Variants in LRRC4C observed in about 807,000 individuals in gnomAD.
LRRC4C encodes the protein leucine-rich repeat-containing protein 4C.
A neutral mutation model predicts 33.6 loss-of-function variants in LRRC4C; 5 were observed. That is an observed-to-expected ratio of 0.15 (90% CI 0.08 to 0.31). LRRC4C has a LOEUF of 0.31. Among genes scored for constraint, LRRC4C ranks in the 10% least tolerant of loss-of-function variants. The pLI is 1.00. For synonymous variants in LRRC4C, 329 were observed against 302.0 expected, an observed-to-expected ratio of 1.09 and a Z score of -0.93; for missense variants, 560 against 796.7, an observed-to-expected ratio of 0.70 and a Z score of 3.58.
chr11:41,448,641 C>T (rs1218142680), intron 1 of LRRC4C, among the ~76,000 whole-genome samples: 1 of 152,142 alleles, frequency 6.6e-6, no homozygotes, highest in Non-Finnish European at 1.5e-5. Flanking sequence ...TATTCTTATA[C>T]ATGCAAACAC....
chr11:41,413,933 C>G (rs1954584523), intron 1 of LRRC4C, among the ~76,000 whole-genome samples: 1 of 152,122 alleles, frequency 6.6e-6, no homozygotes, highest in Admixed American at 6.5e-5. Context: ...AACTTGGAGC[C>G]TCCTAGCAAT....
At chr11:41,220,054 A>G (rs1947235120) in intron 1 of LRRC4C, among the ~76,000 whole-genome samples, 1 of 152,192 alleles carries the variant, frequency 6.6e-6, no homozygotes. Context: ...ACTCTCTAAG[A>G]TCACTAAATA....
At chr11:40,665,037 T>C (rs992449610) in intron 2 of LRRC4C, among the ~76,000 whole-genome samples, 1 of 151,400 alleles carries the variant, frequency 6.6e-6, no homozygotes, top group African/African-American at 2.4e-5. Context: ...TGGTTTTTTG[T>C]CCTTGCGGTA....
In LRRC4C at chr11:40,943,102, G is replaced by A. The variant is rs569169554; in HGVS notation, c.-495-9379C>T. Among the ~76,000 whole-genome samples, 5 of 152,246 alleles carry A rather than the reference G, an allele frequency of 3.3e-5. No individual in the cohort carries two copies. In the South Asian group the frequency reaches 1.0e-3, roughly 32 times the overall value. The stretch of plus-strand genomic sequence containing the variant: ...AGTTTTCTTAAATGCAGGTAATAAT[G>A]AAATCACATTTATCTCATGGAGTTG... On this transcript the variant is annotated intron_variant, in intron 1 of 6. Transcript: ENST00000528697.
chr11:40,710,732 G>A (rs988961181), intron 2 of LRRC4C, among the ~76,000 whole-genome samples: 2 of 152,176 alleles, frequency 1.3e-5, no homozygotes, highest in Non-Finnish European at 2.9e-5. Flanking sequence ...TCTCTTCAGA[G>A]CTGTCAGACA....
At chr11:40,976,071 T>C (rs1852064203) in intron 1 of LRRC4C, among the ~76,000 whole-genome samples, 1 of 152,214 alleles carries the variant, frequency 6.6e-6, no homozygotes, top group Non-Finnish European at 1.5e-5. Flanking sequence ...ACAGTCATCC[T>C]GCCAATTAGG....
intron 1 of LRRC4C, among the ~76,000 whole-genome samples, chr11:41,226,195 C>G (rs979635025): frequency 6.6e-6 from 1 of 152,076 alleles, no homozygotes; most frequent in East Asian, 1.9e-4. Flanking sequence ...ATGTCACTCC[C>G]CTCTATGGAC....
chr11:40,161,720 G>A (rs886831439), intron 5 of LRRC4C, among the ~76,000 whole-genome samples: 8 of 152,072 alleles, frequency 5.3e-5, no homozygotes, highest in African/African-American at 1.9e-4. Flanking sequence ...TCGCGCCACT[G>A]CACTTCAGCC....
At chr11:41,111,162 T>G (rs1941808103) in intron 1 of LRRC4C, among the ~76,000 whole-genome samples, 1 of 152,102 alleles carries the variant, frequency 6.6e-6, no homozygotes, top group African/African-American at 2.4e-5. Context: ...GGTTGAGAAT[T>G]TATGCCTTAT....
chr11:40,309,130 T>C (rs1945180159), intron 4 of LRRC4C, among the ~76,000 whole-genome samples: 1 of 152,202 alleles, frequency 6.6e-6, no homozygotes, highest in African/African-American at 2.4e-5. Flanking sequence ...TTTTAGAATA[T>C]TTTATCATCT....
chr11:41,412,418 G>A (rs756449892), intron 1 of LRRC4C, among the ~76,000 whole-genome samples: 3 of 152,176 alleles, frequency 2.0e-5, no homozygotes, highest in Admixed American at 6.5e-5. Flanking sequence ...ATTAAACATC[G>A]TTTTACTTGA....
chr11:40,724,496 C>T (rs1387712882), intron 2 of LRRC4C, among the ~76,000 whole-genome samples: 1 of 152,036 alleles, frequency 6.6e-6, no homozygotes, highest in African/African-American at 2.4e-5. Context: ...ACATCTTGCT[C>T]CTGAATGACA....
At chr11:40,379,098 AG>A (rs1423107416) in intron 3 of LRRC4C, among the ~76,000 whole-genome samples, 1 of 152,158 alleles carries the variant, frequency 6.6e-6, no homozygotes, top group Non-Finnish European at 1.5e-5. Flanking sequence ...TTTTGAAAGA[AG>A]AGGAGATAAA....
At chr11:40,577,232 ATTC>A (rs1958230364) in intron 3 of LRRC4C, among the ~76,000 whole-genome samples, 1 of 152,242 alleles carries the variant, frequency 6.6e-6, no homozygotes, top group African/African-American at 2.4e-5. Context: ...AACAGGTCCA[ATTC>A]TTCTTTACCT....
At chr11:40,539,213 G>A (rs977330340) in intron 3 of LRRC4C, among the ~76,000 whole-genome samples, 1 of 152,154 alleles carries the variant, frequency 6.6e-6, no homozygotes, top group African/African-American at 2.4e-5. Context: ...CACACTTAGT[G>A]TTGACTTTCA....
At chr11:40,657,339 T>C (rs1298936571) in intron 2 of LRRC4C, among the ~76,000 whole-genome samples, 3 of 152,160 alleles carry the variant, frequency 2.0e-5, no homozygotes, top group Admixed American at 2.0e-4. Flanking sequence ...TCCAAATATT[T>C]AAATGTGAAT....
intron 3 of LRRC4C, among the ~76,000 whole-genome samples, chr11:40,514,468 T>C (rs961092522): frequency 2.0e-5 from 3 of 152,162 alleles, no homozygotes; most frequent in African/African-American, 7.2e-5. Context: ...ACATATCATT[T>C]TCTGGTGTTT....
At chr11:40,210,027 A>G (rs1272963950) in intron 5 of LRRC4C, among the ~76,000 whole-genome samples, 1 of 152,186 alleles carries the variant, frequency 6.6e-6, no homozygotes, top group African/African-American at 2.4e-5. Flanking sequence ...AGACAGGTTC[A>G]AGAGTGGGAT....
chr11:40,891,558 A>C (rs1305196256), intron 2 of LRRC4C, among the ~76,000 whole-genome samples: 2 of 152,174 alleles, frequency 1.3e-5, no homozygotes, highest in African/African-American at 4.8e-5. Context: ...CTCTACAGGA[A>C]AAAATCTAAT....
Sources: gnomAD v4.1 joint callset for allele counts (sites outside exome capture counted in the v4.1 genomes callset) on GRCh38, gnomAD v4.1.1 for gene constraint, MANE v1.5 for transcripts, NCBI Gene and HGNC (gene_info 2026-07-23, HGNC 2026-07-21) for gene names.